CSF1: variants seen among roughly 807,000 people sequenced by gnomAD.
CSF1 encodes macrophage colony-stimulating factor 1.
In CSF1, 9 loss-of-function variants were observed where a neutral mutation model predicts 48.9. The ratio of observed to expected loss-of-function variants is 0.18; its 90% CI spans 0.11 to 0.32. CSF1 has a LOEUF of 0.32. Ranked by LOEUF, CSF1 falls within the 10% of genes least tolerant of loss-of-function variation. The pLI, the probability that CSF1 is intolerant of heterozygous loss-of-function variation, is 1.00. For missense variants in CSF1, 672 were observed against 697.9 expected, an observed-to-expected ratio of 0.96 and a Z score of 0.42; for synonymous variants, 305 against 284.1, an observed-to-expected ratio of 1.07 and a Z score of -0.74.
intron 3 of CSF1, 60 bp downstream of exon 3, chr1:109,915,756 G>A: frequency 1.4e-6 from 2 of 1,387,422 alleles, no homozygotes; most frequent in Non-Finnish European, 2.1e-6. Flanking sequence ...CCAGGGTGGG[G>A]TGTGTGGGGG....
Position 109,923,210 on chromosome 1 carries a change from A to C in CSF1, c.589A>C (p.Ile197Leu). 1 of 1,539,428 alleles carries C rather than the reference A, an allele frequency of 6.5e-7. No individual in the cohort carries two copies. The highest frequency in any genetic ancestry group is 8.7e-7 in the Non-Finnish European group (1 of 1,144,682). The change falls in exon 6 of 9, where the codon ATC becomes CTC. Residue 197 changes from isoleucine to leucine, a missense_variant. Physicochemically the swap from Ile to Leu is conservative, Grantham distance 5 (BLOSUM62 2). Around this residue, in one of 3 missense-constraint regions of CSF1, gnomAD observed 591 missense variants for 593.6 expected, o/e 1.00. Transcript: ENST00000329608. ...PDCNCLYPKAIPSSDPASVSP... is the reference protein window; with the variant it reads ...PDCNCLYPKALPSSDPASVSP... ...TTGCAACTGCCTGTACCCCAAAGCC[A>C]TCCCTAGCAGTGACCCGGCCTCTGT...
chr1:109,918,236 AC>A (rs1417480210), intron 4 of CSF1, among the ~76,000 whole-genome samples: 1 of 152,240 alleles, frequency 6.6e-6, no homozygotes, highest in African/African-American at 2.4e-5. Flanking sequence ...AGGAAAGTGC[AC>A]ATTCAGGGAC....
In CSF1 at chr1:109,923,181, C is replaced by T. The variant is rs1357287165; in HGVS notation, c.560C>T (p.Pro187Leu). ...ECSSQDVVTK[P>L]DCNCLYPKAI... Reference sequence around the variant, plus strand: ...GTTCTTTCAGATGTGGTGACCAAGCCTGATTGCAACTGCCTGTACCCCAAA... The same window carrying T: ...GTTCTTTCAGATGTGGTGACCAAGCTTGATTGCAACTGCCTGTACCCCAAA... Residue 187 changes from proline (P) to leucine (L), a missense_variant, in exon 6 of 9, where the codon CCT becomes CTT. By Grantham distance (98) the Pro-to-Leu change is moderately conservative. Around this residue, in one of 3 missense-constraint regions of CSF1, gnomAD observed 591 missense variants for 593.6 expected, o/e 1.00. Transcript: ENST00000329608. 19 of 1,519,010 alleles carry T rather than the reference C, an allele frequency of 1.3e-5. No homozygotes were observed. The highest frequency in any genetic ancestry group is 2.2e-5 in the Admixed American group (1 of 44,820). The allele number at this position is 1,519,010 out of a possible 1,614,324, so 94.1% of individuals were successfully genotyped here.
chr1:109,927,575 C>T (rs1647898260), intron 8 of CSF1, among the ~76,000 whole-genome samples: 1 of 151,974 alleles, frequency 6.6e-6, no homozygotes, highest in Admixed American at 6.5e-5. Flanking sequence ...TCCCCACTTG[C>T]TTATTCTCAG....
At chr1:109,920,193 C>CA (rs34335024) in intron 4 of CSF1, among the ~76,000 whole-genome samples, 21,287 of 129,630 alleles carry the variant, frequency 0.16, 1,882 homozygotes, top group Non-Finnish European at 0.22. Context: ...GACTTCATCT[C>CA]AAAAAAAAAA....
intron 2 of CSF1, among the ~76,000 whole-genome samples, chr1:109,914,987 A>C (rs948965650): frequency 2.6e-5 from 4 of 152,028 alleles, no homozygotes. Flanking sequence ...GGTTGCTGTC[A>C]TGGCTGCTGT....
intron 2 of CSF1, among the ~76,000 whole-genome samples, chr1:109,914,926 C>G (rs549433815): frequency 9.2e-5 from 14 of 152,252 alleles, no homozygotes; most frequent in Non-Finnish European, 1.8e-4. Context: ...CATGAAGGAG[C>G]CTGTATCTCA....
chr1:109,916,902 A>G (rs1170863747), intron 3 of CSF1, among the ~76,000 whole-genome samples: 4 of 152,096 alleles, frequency 2.6e-5, no homozygotes, highest in Non-Finnish European at 5.9e-5. Flanking sequence ...CAGCACCCCT[A>G]TGTCCTGGAG....
chr1:109,914,289 T>G lies in CSF1; in HGVS notation c.70T>G (p.Cys24Gly), dbSNP rs762383396. The G allele has an allele frequency of 1.2e-6, 2 of 1,607,384 alleles. No individual in the cohort carries two copies. Among genetic ancestry groups the G allele is most frequent in the African/African-American group, 2.7e-5 (2 of 74,866 alleles). ...GCTGGGCTCCCTGCTGTTGTTGGTC[T>G]GTCTCCTGGCGAGCAGGAGTATCAC... Reference protein sequence around the residue: ...TWLGSLLLLVCLLASRSITEE... With the variant: ...TWLGSLLLLVGLLASRSITEE... The change falls in exon 2 of 9, where the codon TGT becomes GGT. Residue 24 changes from cysteine (C) to glycine (G), a missense_variant. By Grantham distance (159) the Cys-to-Gly change is radical (BLOSUM62 -3). Around this residue, in one of 3 missense-constraint regions of CSF1, gnomAD observed 53 missense variants for 45.5 expected, o/e 1.17. Transcript: ENST00000329608.
At chr1:109,916,612 T>G (rs1647226998) in intron 3 of CSF1, among the ~76,000 whole-genome samples, 1 of 152,240 alleles carries the variant, frequency 6.6e-6, no homozygotes, top group Admixed American at 6.5e-5. Context: ...AAAACTGCCT[T>G]GATACCCAGA....
At chr1:109,917,252 C>T (rs1468019569) in intron 3 of CSF1, 41 bp from the exon 4 acceptor site, 2 of 1,595,412 alleles carry the variant, frequency 1.3e-6, no homozygotes, top group East Asian at 2.2e-5. Context: ...GTTCCCAGGC[C>T]ACAATGGCCA....
intron 1 of CSF1, among the ~76,000 whole-genome samples, chr1:109,913,182 T>C (rs1242718711): frequency 3.3e-5 from 5 of 152,238 alleles, no homozygotes; most frequent in African/African-American, 1.2e-4. Context: ...GAGCAACTTA[T>C]TTGCAGTATT....
rs1449535095 is a variant in CSF1, at chr1:109,917,284, G to GT, written c.226-4dup. The GT allele has an allele frequency of 5.6e-6, 9 of 1,612,654 alleles. No individual in the cohort carries two copies. Among genetic ancestry groups the GT allele is most frequent in the Admixed American group, 1.7e-5 (1 of 59,800 alleles). Reference sequence around the variant, plus strand: ...GCCAGGCCATAAGCTCCAGGTTCCTGTTTTTCAGAAAGATCCAGTGTGCTA... The same window carrying GT: ...GCCAGGCCATAAGCTCCAGGTTCCTGTTTTTTCAGAAAGATCCAGTGTGCTA... On this transcript the variant is annotated splice_polypyrimidine_tract_variant and intron_variant, in intron 3 of 8. Coordinates refer to ENST00000329608, the MANE Select transcript of CSF1 (RefSeq NM_000757.6).
intron 7 of CSF1, 77 bp downstream of exon 7, chr1:109,924,905 G>T: frequency 2.1e-6 from 3 of 1,424,592 alleles, no homozygotes; most frequent in Non-Finnish European, 2.9e-6. Flanking sequence ...GTGGTGGTGG[G>T]GCTCTCCTGC....
In CSF1 at chr1:109,930,615, A is replaced by G. The variant is rs572030453; in HGVS notation, c.*1777A>G. On this transcript the variant is annotated 3_prime_UTR_variant, in exon 9 of 9. Transcript: ENST00000329608. ...GCTTAGCCTTCTAGTCACAGCCTCT[A>G]TATTTGATGCTAGAAAACACATATT... The G allele has an allele frequency of 1.3e-5, 2 of 152,404 alleles. No individual in the cohort carries two copies. Among genetic ancestry groups the G allele is most frequent in the East Asian group, 1.9e-4 (1 of 5,190 alleles). The allele number at this position is 152,404 out of a possible 1,614,324, so 9.4% of individuals were successfully genotyped here.
chr1:109,921,655 A>G (rs922670933), intron 4 of CSF1, among the ~76,000 whole-genome samples, 192 bp from the exon 5 acceptor site: 7 of 152,234 alleles, frequency 4.6e-5, no homozygotes, highest in Non-Finnish European at 8.8e-5. Context: ...CATATGTTGA[A>G]TGGGTCTGTG....
chr1:109,914,510 C>T, intron 2 of CSF1, 129 bp downstream of exon 2: 4 of 1,077,898 alleles, frequency 3.7e-6, no homozygotes, highest in Non-Finnish European at 5.0e-6. Context: ...GCTTGTGGTT[C>T]CCACTAGCTC....
At chr1:109,913,525 AG>A (rs943965168) in intron 1 of CSF1, among the ~76,000 whole-genome samples, 3 of 152,214 alleles carry the variant, frequency 2.0e-5, no homozygotes, top group African/African-American at 7.2e-5. Flanking sequence ...GGGAGAGAAG[AG>A]GGGTCTCAGA....
chr1:109,924,799 G>A lies in CSF1; in HGVS notation c.1593G>A (p.Ala531=), dbSNP rs376460825. The change falls in exon 7 of 9, where the codon GCG becomes GCA. Residue 531 remains alanine (A), a synonymous_variant. Transcript: ENST00000329608. ...RRRSHQEPQR[A]DSPLEQPEGS... is the part of the protein sequence containing the mutation. ...AGAGCCATCAAGAGCCTCAGAGAGC[G>A]GATTCTCCCTTGGAGCAACCAGAGG... The A allele has an allele frequency of 3.7e-5, 60 of 1,602,306 alleles. No individual in the cohort carries two copies. The highest frequency in any genetic ancestry group is 1.1e-4 in the African/African-American group (8 of 74,590).
Sources: gnomAD v4.1 joint callset for allele counts (sites outside exome capture counted in the v4.1 genomes callset) on GRCh38, gnomAD v4.1.1 for gene constraint, gnomAD v4.1.1 regional missense constraint, MANE v1.5 for transcripts, NCBI Gene and HGNC (gene_info 2026-07-23, HGNC 2026-07-21) for gene names.